ZFHX3: variants seen among roughly 807,000 people sequenced by gnomAD.
ZFHX3 encodes the protein zinc finger homeobox 3, also known as zinc finger homeobox protein 3.
Under a neutral mutation model 279.1 loss-of-function variants are expected in ZFHX3, and 42 were observed. The ratio of observed to expected loss-of-function variants is 0.15; its 90% CI spans 0.12 to 0.19. ZFHX3 has a LOEUF of 0.19. ZFHX3 is among the 10% of genes least tolerant of loss of function. The probability of loss-of-function intolerance (pLI) is 1.00; values close to 1 mark genes in which losing one functional copy is unlikely to be tolerated. For missense variants in ZFHX3, 4,981 were observed against 4,754.0 expected, an observed-to-expected ratio of 1.05 and a Z score of -1.40; for synonymous variants, 2,293 against 1,957.8, an observed-to-expected ratio of 1.17 and a Z score of -4.52.
At chr16:72,978,257 G>T (rs998980444) in intron 1 of ZFHX3, among the ~76,000 whole-genome samples, 10 of 152,152 alleles carry the variant, frequency 6.6e-5, no homozygotes, top group African/African-American at 2.2e-4. Flanking sequence ...CAGCTACAAG[G>T]CCTCTTGTTA....
intron 1 of ZFHX3, among the ~76,000 whole-genome samples, chr16:72,974,269 A>C (rs1962243756): frequency 6.6e-6 from 1 of 152,218 alleles, no homozygotes; most frequent in Admixed American, 6.5e-5. Context: ...AGCACCTGGG[A>C]AACACCATTC....
chr16:73,608,814 G>T (rs1483829128), intron 2 of ZFHX3: 1 of 152,038 alleles, frequency 6.6e-6, no homozygotes, highest in Admixed American at 6.6e-5. Context: ...GTATTCAAAG[G>T]TATTTTTAAA....
chr16:73,669,439 G>T (rs1185855780), intron 2 of ZFHX3, among the ~76,000 whole-genome samples: 1 of 152,194 alleles, frequency 6.6e-6, no homozygotes, highest in Non-Finnish European at 1.5e-5. Flanking sequence ...CCTTCTAAAG[G>T]GAAGTAGAAC....
chr16:72,945,872 T>C (rs1960645237), intron 3 of ZFHX3, among the ~76,000 whole-genome samples: 1 of 152,070 alleles, frequency 6.6e-6, no homozygotes, highest in Non-Finnish European at 1.5e-5. Context: ...AGGCACCACC[T>C]ACGGACGTAA....
chr16:73,000,220 T>C (rs1193765879), intron 1 of ZFHX3, among the ~76,000 whole-genome samples: 2 of 152,156 alleles, frequency 1.3e-5, no homozygotes, highest in East Asian at 3.9e-4. Context: ...TCCCTCGACC[T>C]GTCCCCAGGG....
chr16:73,641,599 G>C (rs2052573487), intron 2 of ZFHX3, among the ~76,000 whole-genome samples: 1 of 152,120 alleles, frequency 6.6e-6, no homozygotes, highest in African/African-American at 2.4e-5. Flanking sequence ...CACTGATGTA[G>C]GGAAGATGGG....
At chr16:72,879,864 C>T (rs1004686625) in intron 4 of ZFHX3, among the ~76,000 whole-genome samples, 3 of 152,098 alleles carry the variant, frequency 2.0e-5, no homozygotes, top group Admixed American at 6.5e-5. Context: ...TCCACGTGGC[C>T]GGCTGTCAGT....
chr16:73,268,500 CATGGCTCTGA>C (rs2014046439), intron 4 of ZFHX3, among the ~76,000 whole-genome samples: 1 of 152,224 alleles, frequency 6.6e-6, no homozygotes, highest in South Asian at 2.1e-4. Context: ...CGACGCAGGG[CATGGCTCTGA>C]ATGGCTCTGG....
rs1471945668 is a variant in ZFHX3 at position 73,019,302 on chromosome 16, C to T, written c.-50+28450G>A. 2.0e-5 allele frequency among the ~76,000 whole-genome samples: 3 copies of T among 151,990 alleles called. No individual in the cohort carries two copies. In the East Asian group the frequency reaches 5.8e-4, roughly 29 times the overall value. ...GACATGACGCCAAGCCCCAGAAGGG[C>T]CTCTGAATCCTCCACCAGCGTGTGC... On this transcript the variant is annotated intron_variant, in intron 1 of 9. Transcript: ENST00000268489.
chr16:73,488,367 G>A (rs2019008189), intron 2 of ZFHX3, among the ~76,000 whole-genome samples: 1 of 152,184 alleles, frequency 6.6e-6, no homozygotes, highest in African/African-American at 2.4e-5. Flanking sequence ...TGCACGGGGT[G>A]GGGTAGGGGT....
chr16:73,604,023 C>A (rs188569723), intron 2 of ZFHX3, among the ~76,000 whole-genome samples: 2 of 152,056 alleles, frequency 1.3e-5, no homozygotes, highest in Non-Finnish European at 2.9e-5. Context: ...AGGTGATTTG[C>A]CACCTCAGCC....
rs572988961 is a variant in ZFHX3 at position 73,457,614 on chromosome 16, A to G, written c.-1546-1356T>C. Among the ~76,000 whole-genome samples, 54 of 152,254 alleles carry G rather than the reference A, an allele frequency of 3.5e-4. No individual in the cohort carries two copies. In the South Asian group the frequency reaches 7.1e-3, roughly 20 times the overall value. ...ATGGTGAAACTCTGTCTCTACTAAAAATACAAAAATTAACCTGGCGTAGTG... is the reference window on the plus strand; with the variant it reads ...ATGGTGAAACTCTGTCTCTACTAAAGATACAAAAATTAACCTGGCGTAGTG... On this transcript the variant is annotated intron_variant, in intron 2 of 17. Transcript: ENST00000641206.
At chr16:72,802,355 A>G (rs1400187137) in intron 7 of ZFHX3, among the ~76,000 whole-genome samples, 1 of 152,162 alleles carries the variant, frequency 6.6e-6, no homozygotes, top group Non-Finnish European at 1.5e-5. Flanking sequence ...TTGGGATTCA[A>G]GAAGGCAGTA....
intron 3 of ZFHX3, among the ~76,000 whole-genome samples, chr16:72,928,691 T>C (rs1332879137): frequency 6.6e-6 from 1 of 152,110 alleles, no homozygotes; most frequent in Non-Finnish European, 1.5e-5. Context: ...AAATACAAAT[T>C]CTTAGGCCAG....
intron 3 of ZFHX3, among the ~76,000 whole-genome samples, chr16:73,372,669 A>G (rs188290063): frequency 2.0e-5 from 3 of 152,256 alleles, no homozygotes; most frequent in Non-Finnish European, 4.4e-5. Context: ...GCTGCTCAGA[A>G]TAACCATGGC....
chr16:73,260,805 C>A (rs1324663378), intron 4 of ZFHX3, among the ~76,000 whole-genome samples: 1 of 151,006 alleles, frequency 6.6e-6, no homozygotes, highest in Non-Finnish European at 1.5e-5. Context: ...GCCTCAGCCT[C>A]CCGAGTGGCT....
intron 2 of ZFHX3, among the ~76,000 whole-genome samples, chr16:73,522,423 G>A (rs186411285): frequency 6.6e-6 from 1 of 152,294 alleles, no homozygotes; most frequent in Non-Finnish European, 1.5e-5. Context: ...GCTAAGGAAT[G>A]GGGGGAGTTC....
intron 5 of ZFHX3, among the ~76,000 whole-genome samples, chr16:73,243,344 T>G (rs2013182316): frequency 6.6e-6 from 1 of 152,246 alleles, no homozygotes; most frequent in African/African-American, 2.4e-5. Flanking sequence ...AGGCAAATTC[T>G]ATTTCTCCAT....
In ZFHX3 at chr16:73,789,571, G is replaced by C. The variant is rs972540248; in HGVS notation, c.-1608+102080C>G. On this transcript the variant is annotated intron_variant, in intron 1 of 17. Transcript: ENST00000641206. ...ACTGATGTCTGGAATAAAAGTGCTA[G>C]AAGGAATTGCAAATATTATTATTAT... Among the ~76,000 whole-genome samples the C allele has an allele frequency of 3.3e-5, 5 of 152,184 alleles. No homozygotes were observed. The South Asian group carries it at 8.3e-4, about 25-fold the overall frequency.
Sources: allele counts gnomAD v4.1 joint callset (sites outside exome capture counted in the v4.1 genomes callset), GRCh38; gene constraint gnomAD v4.1.1; transcripts MANE v1.5; gene names NCBI Gene and HGNC (gene_info 2026-07-23, HGNC 2026-07-21).